Variants in IMPACT observed in about 807,000 individuals in gnomAD.
IMPACT encodes the protein protein IMPACT.
IMPACT carries 35 observed loss-of-function variants against 47.5 expected under a neutral mutation model. The ratio of observed to expected loss-of-function variants is 0.74; its 90% confidence interval spans 0.56 to 0.98. IMPACT has a LOEUF of 0.98. Ranked by LOEUF, IMPACT falls within the 50% of genes least tolerant of loss-of-function variation. The pLI, the probability that IMPACT is intolerant of heterozygous loss-of-function variation, is 0.00. For synonymous variants in IMPACT, 118 were observed against 125.6 expected (o/e 0.94, Z 0.40); for missense variants, 373 against 394.8 (o/e 0.94, Z 0.47).
intron 7 of IMPACT, among the ~76,000 whole-genome samples, chr18:24,443,987 T>A (rs987746648): frequency 1.3e-5 from 2 of 152,204 alleles, no homozygotes; most frequent in African/African-American, 4.8e-5. Flanking sequence ...TCTTTGCAGC[T>A]ACCCTACTCT....
Position 24,452,420 on chromosome 18 carries a change from T to A in IMPACT, c.*1573T>A, listed in dbSNP as rs1909409815. ...TAATTTAAAAATTAATTATTTTACA[T>A]AATTAAAGAAGTTAAAAACTATTAA... is the stretch of plus-strand genomic sequence containing the variant. On this transcript the variant is annotated 3_prime_UTR_variant, in exon 11 of 11. Coordinates refer to ENST00000284202, the MANE Select transcript of IMPACT (RefSeq NM_018439.4). 6.6e-6 allele frequency: 1 copy of A among 152,080 alleles called. No individual in the cohort carries two copies. The highest frequency in any genetic ancestry group is 2.1e-4 in the South Asian group (1 of 4,836). The allele number at this position is 152,080 out of a possible 1,614,324, so 9.4% of individuals were successfully genotyped here.
Position 24,447,387 on chromosome 18 carries a change from AT to A in IMPACT, c.669-696del, listed in dbSNP as rs571145746. The stretch of plus-strand genomic sequence containing the variant: ...CAGATGGCATACTGTAACTGACACT[AT>A]TTTTTTTTTCTCTCTCTAGCACTTA... On this transcript the variant is annotated intron_variant, in intron 8 of 10. Transcript: ENST00000284202. Among the ~76,000 whole-genome samples the A allele has an allele frequency of 2.9e-3, 434 of 149,386 alleles. 2 individuals are homozygous for A. Among genetic ancestry groups the A allele is most frequent in the Non-Finnish European group, 4.3e-3 (290 of 67,100 alleles).
At chr18:24,433,922 C>G (rs528971887) in intron 4 of IMPACT, among the ~76,000 whole-genome samples, 1 of 151,954 alleles carries the variant, frequency 6.6e-6, no homozygotes, top group East Asian at 2.0e-4. Flanking sequence ...CCGCCTGCCT[C>G]GGCCTCCCAA....
Position 24,443,145 on chromosome 18 carries a change from C to T in IMPACT, c.587C>T (p.Pro196Leu). 4 of 1,559,872 alleles carry T rather than the reference C, an allele frequency of 2.6e-6. No individual in the cohort carries two copies. The highest frequency in any genetic ancestry group is 3.5e-6 in the Non-Finnish European group (4 of 1,136,814). The change falls in exon 7 of 11, where the codon CCC becomes CTC. Residue 196 changes from proline (P) to leucine (L), a missense_variant. Pro to Leu is a moderately conservative substitution (Grantham distance 98). Transcript: ENST00000284202. ...GCACACTTGGCTCCAGTGGTTTGTC[C>T]CAAACAGGTAAAGTTCCTTTGTCTA... ...FQAHLAPVVCPKQVKMVLSKL... is the reference protein window; with the variant it reads ...FQAHLAPVVCLKQVKMVLSKL...
intron 5 of IMPACT, 40 bp from the exon 6 acceptor site, chr18:24,440,456 T>TA (rs1909072261): frequency 6.3e-7 from 1 of 1,599,480 alleles, no homozygotes; most frequent in Non-Finnish European, 8.5e-7. Flanking sequence ...CATCGTTTCT[T>TA]ACCTGCGTCA....
chr18:24,428,961 T>G (rs368023577), intron 3 of IMPACT, 40 bp downstream of exon 3: 44 of 1,411,842 alleles, frequency 3.1e-5, no homozygotes, highest in Non-Finnish European at 4.1e-5. Context: ...ATAAAAAGAT[T>G]CTATTCTGAA....
chr18:24,434,823 A>G (rs1438307884), intron 4 of IMPACT, among the ~76,000 whole-genome samples: 1 of 140,406 alleles, frequency 7.1e-6, no homozygotes, highest in South Asian at 2.2e-4. Flanking sequence ...ATATATGTGT[A>G]TTATATAAGT....
intron 4 of IMPACT, among the ~76,000 whole-genome samples, chr18:24,431,547 T>C (rs1447780197): frequency 6.6e-6 from 1 of 152,118 alleles, no homozygotes; most frequent in Non-Finnish European, 1.5e-5. Flanking sequence ...GTTCTTGCTC[T>C]CTTGCCCAGG....
In IMPACT at chr18:24,433,888, C is replaced by T. The variant is rs892139418; in HGVS notation, c.281+3504C>T. On this transcript the variant is annotated intron_variant, in intron 4 of 10. Transcript: ENST00000284202. The stretch of plus-strand genomic sequence containing the variant: ...GTTTCAGCATTTTGGCCAGGCTGGT[C>T]TTGAACTTCTGACCTCAAGTGATCC... Among the ~76,000 whole-genome samples the T allele has an allele frequency of 2.0e-5, 3 of 151,720 alleles. No individual in the cohort carries two copies. The East Asian group carries it at 5.9e-4, about 30-fold the overall frequency.
rs565320130 is a variant in IMPACT, at chr18:24,453,387, T to C, written c.*2540T>C. On this transcript the variant is annotated 3_prime_UTR_variant, in exon 11 of 11. Transcript: ENST00000284202. ...TGTACATCCTTATATTATTTTTTTC[T>C]TATGCATGATTTTGTATATATGGTT... The C allele has an allele frequency of 5.9e-5, 9 of 152,348 alleles. No individual in the cohort carries two copies. The East Asian group carries it at 1.5e-3, about 26-fold the overall frequency. 9.4% of individuals were successfully genotyped at this position (152,348 alleles called of 1,614,324 possible).
chr18:24,445,369 A>G (rs756888983), intron 7 of IMPACT, 24 bp from the exon 8 acceptor site: 1 of 1,319,856 alleles, frequency 7.6e-7, no homozygotes. Flanking sequence ...AAGCATACTT[A>G]TTTATATTAT....
chr18:24,431,064 A>G (rs1247332379), intron 4 of IMPACT, among the ~76,000 whole-genome samples: 1 of 152,208 alleles, frequency 6.6e-6, no homozygotes, highest in African/African-American at 2.4e-5. Flanking sequence ...CATGAACAGA[A>G]GTGCCCTTTT....
At chr18:24,438,665 C>T (rs1458067468) in intron 5 of IMPACT, among the ~76,000 whole-genome samples, 4 of 152,128 alleles carry the variant, frequency 2.6e-5, no homozygotes, top group Admixed American at 2.6e-4. Context: ...CGAGGTCTCC[C>T]TATGTTGCCC....
chr18:24,438,900 A>G (rs1352535355), intron 5 of IMPACT, among the ~76,000 whole-genome samples: 1 of 151,746 alleles, frequency 6.6e-6, no homozygotes, highest in Non-Finnish European at 1.5e-5. Flanking sequence ...ATGTGTGTAT[A>G]TACATGTGTG....
rs1555666476 is a variant in IMPACT at position 24,434,776 on chromosome 18, A to AATATATAT, written c.282-3166_282-3159dup. Among the ~76,000 whole-genome samples the AATATATAT allele has an allele frequency of 1.3e-3, 145 of 113,994 alleles. 4 individuals are homozygous for AATATATAT. The highest frequency in any genetic ancestry group is 5.5e-3 in the African/African-American group (133 of 24,302). 74.8% of individuals were successfully genotyped at this position (113,994 alleles called of 152,430 possible). A position where few individuals can be genotyped will look rare whatever the true frequency, so the allele number is the denominator to read the frequency against. On this transcript the variant is annotated intron_variant, in intron 4 of 10. Coordinates refer to ENST00000284202, the MANE Select transcript of IMPACT (RefSeq NM_018439.4). ...AAAACTCTGTCTCAAAAAAAAAAAA[A>AATATATAT]ATATATATATATATATATATGTGTG...
rs1908618256 is a variant in IMPACT at position 24,426,755 on chromosome 18, A to C, written c.-2A>C. On this transcript the variant is annotated 5_prime_UTR_variant, in exon 1 of 11. Coordinates refer to ENST00000284202, the MANE Select transcript of IMPACT (RefSeq NM_018439.4). ...CGGCTGCAGGGCAGGTCCAGGGGCCACATGGCTGAGGGGGACGCAGGGAGC... is the reference window on the plus strand; with the variant it reads ...CGGCTGCAGGGCAGGTCCAGGGGCCCCATGGCTGAGGGGGACGCAGGGAGC... 1.6e-6 allele frequency: 2 copies of C among 1,244,240 alleles called. No homozygotes were observed. The highest frequency in any genetic ancestry group is 3.9e-5 in the South Asian group (1 of 25,458). 77.1% of individuals were successfully genotyped at this position (1,244,240 alleles called of 1,614,324 possible).
At chr18:24,432,419 T>C (rs1908781065) in intron 4 of IMPACT, among the ~76,000 whole-genome samples, 1 of 152,174 alleles carries the variant, frequency 6.6e-6, no homozygotes, top group African/African-American at 2.4e-5. Context: ...ACAGTCCCTC[T>C]TTGTGTCCCT....
At chr18:24,440,778 G>T (rs561372960) in intron 6 of IMPACT, among the ~76,000 whole-genome samples, 160 bp downstream of exon 6, 4 of 152,102 alleles carry the variant, frequency 2.6e-5, no homozygotes, top group African/African-American at 9.7e-5. Flanking sequence ...TGGCAATTTT[G>T]GTGTTTGCCA....
At chr18:24,429,072 A>G in intron 3 of IMPACT, 151 bp downstream of exon 3, 1 of 513,192 alleles carries the variant, frequency 1.9e-6, no homozygotes, top group South Asian at 3.2e-5. Context: ...GAGCATTTAA[A>G]TAAAAATTAA....
Sources: gnomAD v4.1 joint callset for allele counts (sites outside exome capture counted in the v4.1 genomes callset) on GRCh38, gnomAD v4.1.1 for gene constraint, MANE v1.5 for transcripts, NCBI Gene and HGNC (gene_info 2026-07-23, HGNC 2026-07-21) for gene names.